LAP3: variants seen among roughly 807,000 people sequenced by gnomAD.
LAP3 encodes the protein cytosol aminopeptidase.
LAP3 carries 46 observed loss-of-function variants against 58.8 expected under a neutral mutation model. That is an observed-to-expected ratio of 0.78 (90% CI 0.62 to 1.00). LAP3 has a LOEUF of 1.00. LAP3 is among the 50% of genes least tolerant of loss of function. LAP3 has a pLI of 0.00. For missense variants in LAP3, 615 were observed against 659.1 expected (o/e 0.93, Z 0.73); for synonymous variants, 257 against 237.7 (o/e 1.08, Z -0.75).
intron 6 of LAP3, chr4:17,585,383 G>C (rs550663357): frequency 3.2e-5 from 9 of 281,128 alleles, no homozygotes; most frequent in Admixed American, 9.9e-5. Context: ...GTGTTATTCA[G>C]ACACAATTAA....
Position 17,577,332 on chromosome 4 carries a change from A to C in LAP3, c.-134A>C. ...CCCATCCGTCCCGCCCCCTAGACGC[A>C]CGTCCGCTCGCCCGGCGCCCGAGCC... On this transcript the variant is annotated 5_prime_UTR_variant, in exon 1 of 13. Coordinates refer to ENST00000226299, the MANE Select transcript of LAP3 (RefSeq NM_015907.3). 1 of 565,784 alleles carries C rather than the reference A, an allele frequency of 1.8e-6. No individual in the cohort carries two copies. Among genetic ancestry groups the C allele is most frequent in the Non-Finnish European group, 2.9e-6 (1 of 349,090 alleles). 35.0% of individuals were successfully genotyped at this position (565,784 alleles called of 1,614,324 possible). A position where few individuals can be genotyped will look rare whatever the true frequency, so the allele number is the denominator to read the frequency against.
intron 10 of LAP3, among the ~76,000 whole-genome samples, chr4:17,601,467 A>G (rs1432542400): frequency 6.6e-6 from 1 of 152,144 alleles, no homozygotes; most frequent in Non-Finnish European, 1.5e-5. Flanking sequence ...AAATTTTAAA[A>G]CTGATAGATG....
chr4:17,589,428 T>C (rs1713620261), intron 7 of LAP3, among the ~76,000 whole-genome samples: 2 of 152,142 alleles, frequency 1.3e-5, no homozygotes, highest in Admixed American at 6.5e-5. Flanking sequence ...TTTATTATGC[T>C]ACCACCTCTA....
intron 10 of LAP3, among the ~76,000 whole-genome samples, chr4:17,603,299 C>T (rs1027867462): frequency 1.3e-5 from 2 of 151,876 alleles, no homozygotes; most frequent in Non-Finnish European, 2.9e-5. Flanking sequence ...CAGAGCAAGA[C>T]TCTGTCTCAA....
intron 10 of LAP3, among the ~76,000 whole-genome samples, chr4:17,599,073 A>G (rs1270719299): frequency 1.3e-5 from 2 of 151,966 alleles, no homozygotes; most frequent in African/African-American, 2.4e-5. Flanking sequence ...GGGTTTAACC[A>G]TGTTGGCCGG....
chr4:17,596,166 T>C (rs566552759), intron 8 of LAP3, among the ~76,000 whole-genome samples: 95 of 152,242 alleles, frequency 6.2e-4, no homozygotes, highest in East Asian at 4.6e-3. Flanking sequence ...TCCTTTTTTT[T>C]CCTGAACTAT....
At chr4:17,599,070 A>C (rs1481938535) in intron 10 of LAP3, among the ~76,000 whole-genome samples, 1 of 151,772 alleles carries the variant, frequency 6.6e-6, no homozygotes, top group Non-Finnish European at 1.5e-5. Flanking sequence ...ATGGGGTTTA[A>C]CCATGTTGGC....
chr4:17,603,724 G>C (rs10939739), intron 10 of LAP3, among the ~76,000 whole-genome samples: 89,427 of 151,340 alleles, frequency 0.59, 27,568 homozygotes, highest in East Asian at 0.88. Flanking sequence ...ATGTTGGTCA[G>C]GCTCGTCTCA....
chr4:17,577,464 A>T lies in LAP3; in HGVS notation c.-2A>T, dbSNP rs764779204. ...GGCGGTGCGAGGGGCCGAGCCGACA[A>T]GATGTTCTTGCTGCCTCTTCCGGCT... On this transcript the variant is annotated 5_prime_UTR_variant, in exon 1 of 13. In the 5' UTR this introduces an upstream ATG that the reference lacks. Coordinates refer to ENST00000226299, the MANE Select transcript of LAP3 (RefSeq NM_015907.3). The T allele has an allele frequency of 1.3e-6, 2 of 1,570,486 alleles. No homozygotes were observed. The highest frequency in any genetic ancestry group is 1.7e-6 in the Non-Finnish European group (2 of 1,159,888).
intron 12 of LAP3, 37 bp downstream of exon 12, chr4:17,606,975 ATCCT>A: frequency 7.4e-6 from 10 of 1,343,616 alleles, no homozygotes; most frequent in Non-Finnish European, 9.5e-6. Context: ...TTATACAATC[ATCCT>A]TGATTGCCAA....
chr4:17,581,790 T>C lies in LAP3; in HGVS notation c.249T>C (p.Thr83=). 1 of 1,613,970 alleles carries C rather than the reference T, an allele frequency of 6.2e-7. No homozygotes were observed. Among genetic ancestry groups the C allele is most frequent in the Non-Finnish European group, 8.5e-7 (1 of 1,179,866 alleles). ...ISGPPLKAGK[T]RTFYGLHQDF... Reference sequence around the variant, plus strand: ...GACCACCTCTGAAGGCAGGGAAGACTCGAACCTTTTATGGTCTGCATCAGG... The same window carrying C: ...GACCACCTCTGAAGGCAGGGAAGACCCGAACCTTTTATGGTCTGCATCAGG... Residue 83 remains threonine, a synonymous_variant, in exon 3 of 13, where the codon ACT becomes ACC. Coordinates refer to ENST00000226299, the MANE Select transcript of LAP3 (RefSeq NM_015907.3).
chr4:17,588,341 C>A (rs1400560477), intron 6 of LAP3, among the ~76,000 whole-genome samples: 2 of 152,068 alleles, frequency 1.3e-5, no homozygotes, highest in East Asian at 1.9e-4. Context: ...GAGACAGTTT[C>A]ACTTTTTTGC....
intron 2 of LAP3, 146 bp downstream of exon 2, chr4:17,580,085 C>T (rs1050162432): frequency 6.8e-6 from 3 of 441,998 alleles, no homozygotes; most frequent in African/African-American, 4.4e-5. Flanking sequence ...TCAACCTCTG[C>T]CTCCTGGGTT....
intron 6 of LAP3, among the ~76,000 whole-genome samples, chr4:17,587,312 G>C (rs191497730): frequency 1.4e-4 from 22 of 152,270 alleles, no homozygotes; most frequent in African/African-American, 4.6e-4. Context: ...CTCCATTGTA[G>C]GTCAGTGTAT....
intron 10 of LAP3, 149 bp downstream of exon 10, chr4:17,598,707 G>A: frequency 1.6e-6 from 1 of 617,632 alleles, no homozygotes; most frequent in East Asian, 2.7e-5. Flanking sequence ...TTGTTCTGCA[G>A]TTGTAAAATG....
chr4:17,580,165 C>CATATATATATATATATAT lies in LAP3; in HGVS notation c.218+242_218+243insATATATATATATATATAT, dbSNP rs372439585. On this transcript the variant is annotated intron_variant, in intron 2 of 12. Coordinates refer to ENST00000226299, the MANE Select transcript of LAP3 (RefSeq NM_015907.3). Reference sequence around the variant, plus strand: ...GGCATGCCTCACCACTCCCGGCTTTCATATATATATATATATGTATTTTTT... The same window carrying CATATATATATATATATAT: ...GGCATGCCTCACCACTCCCGGCTTTCATATATATATATATATATATATATATATATATATGTATTTTTT... Among the ~76,000 whole-genome samples the CATATATATATATATATAT allele has an allele frequency of 2.2e-4, 10 of 45,994 alleles. 1 individual carries two copies. In the East Asian group the frequency reaches 0.011, roughly 50 times the overall value. 30.2% of individuals were successfully genotyped at this position (45,994 alleles called of 152,430 possible). A position where few individuals can be genotyped will look rare whatever the true frequency, so the allele number is the denominator to read the frequency against.
At chr4:17,597,536 T>G (rs1264412178) in intron 9 of LAP3, among the ~76,000 whole-genome samples, 2 of 152,222 alleles carry the variant, frequency 1.3e-5, no homozygotes, top group Non-Finnish European at 2.9e-5. Context: ...CCCAAAGTGC[T>G]AGGATTACAG....
Position 17,580,185 on chromosome 4 carries a change from T to TATATATATATATATATATATATATATATA in LAP3, c.218+246_218+247insATATATATATATATATATATATATATATA. Among the ~76,000 whole-genome samples the TATATATATATATATATATATATATATATA allele has an allele frequency of 3.7e-4, 12 of 32,030 alleles. 1 individual carries two copies. The highest frequency in any genetic ancestry group is 2.9e-3 in the East Asian group (1 of 348). 21.0% of individuals were successfully genotyped at this position (32,030 alleles called of 152,430 possible). A position where few individuals can be genotyped will look rare whatever the true frequency, so the allele number is the denominator to read the frequency against. ...GCTTTCATATATATATATATATGTA[T>TATATATATATATATATATATATATATATA]TTTTTTTTTTTTTCAGTAGAGTTGG... is the stretch of plus-strand genomic sequence containing the variant. On this transcript the variant is annotated intron_variant, in intron 2 of 12. Transcript: ENST00000226299.
At position 17,588,947 on chromosome 4, in the gene LAP3, T is replaced by G. The variant is rs757657895; in HGVS notation, c.833T>G (p.Val278Gly). 6.2e-7 allele frequency: 1 copy of G among 1,613,976 alleles called. No individual in the cohort carries two copies. The highest frequency in any genetic ancestry group is 1.3e-5 in the African/African-American group (1 of 74,906). ...GSPNANEPPLVFVGKGITFDS... is the reference protein window; with the variant it reads ...GSPNANEPPLGFVGKGITFDS... The stretch of plus-strand genomic sequence containing the variant: ...CCCAATGCAAACGAACCACCCCTGG[T>G]GTTTGTTGGGAAAGGAATTACCTTT... Residue 278 changes from valine (V) to glycine (G), a missense_variant, in exon 7 of 13, where the codon GTG becomes GGG. Val to Gly is a moderately radical substitution (Grantham distance 109, BLOSUM62 -3). Transcript: ENST00000226299.
Sources: gnomAD v4.1 joint callset for allele counts (sites outside exome capture counted in the v4.1 genomes callset) on GRCh38, gnomAD v4.1.1 for gene constraint, MANE v1.5 for transcripts, NCBI Gene and HGNC (gene_info 2026-07-23, HGNC 2026-07-21) for gene names.